The following ANKRD11 variants were observed in gnomAD, a reference collection of about 807,000 sequenced individuals.
ANKRD11 encodes the protein ankyrin repeat domain 11.
A neutral mutation model predicts 195.7 loss-of-function variants in ANKRD11; 17 were observed. The ratio of observed to expected loss-of-function variants is 0.09; its 90% CI spans 0.06 to 0.13. The LOEUF (loss-of-function observed/expected upper bound fraction) is 0.13, where lower values mean the gene tolerates loss of function less well. Ranked by LOEUF, ANKRD11 falls within the 10% of genes least tolerant of loss-of-function variation. The pLI is 1.00. For synonymous variants in ANKRD11, 1,953 were observed against 1,528.1 expected (o/e 1.28, Z -6.49); for missense variants, 3,735 against 3,566.1 (o/e 1.05, Z -1.21).
At chr16:89,273,386 G>T (rs574844901) in intron 11 of ANKRD11, among the ~76,000 whole-genome samples, 5 of 152,278 alleles carry the variant, frequency 3.3e-5, no homozygotes, top group African/African-American at 1.2e-4. Context: ...GCACCATTTG[G>T]TCCAACTCAT....
intron 2 of ANKRD11, among the ~76,000 whole-genome samples, chr16:89,349,928 T>C (rs1422066544): frequency 6.8e-6 from 1 of 147,162 alleles, no homozygotes; most frequent in Non-Finnish European, 1.5e-5. Context: ...AAACAACAAA[T>C]AGCTGGTAAA....
chr16:89,278,152 C>G, intron 9 of ANKRD11: 1 of 281,002 alleles, frequency 3.6e-6, no homozygotes. Context: ...CAGGGAAGAG[C>G]CAGAACGCCA....
At chr16:89,307,395 C>A (rs1425217274) in intron 3 of ANKRD11, among the ~76,000 whole-genome samples, 1 of 152,222 alleles carries the variant, frequency 6.6e-6, no homozygotes, top group East Asian at 1.9e-4. Flanking sequence ...TGAGACATCC[C>A]TGAGTGACCA....
chr16:89,480,051 C>T (rs2057394196), intron 1 of ANKRD11, among the ~76,000 whole-genome samples: 1 of 150,908 alleles, frequency 6.6e-6, no homozygotes, highest in South Asian at 2.1e-4. Context: ...GCAGAGGTTG[C>T]AGTGAGCTGA....
At chr16:89,383,980 G>A (rs1418568949) in intron 2 of ANKRD11, among the ~76,000 whole-genome samples, 1 of 152,238 alleles carries the variant, frequency 6.6e-6, no homozygotes. Context: ...CTGAAACTGG[G>A]AGGCTGAGGC....
chr16:89,437,616 C>G (rs2043270207), intron 1 of ANKRD11, among the ~76,000 whole-genome samples: 1 of 152,154 alleles, frequency 6.6e-6, no homozygotes, highest in South Asian at 2.1e-4. Context: ...ACCAGATGTC[C>G]AAGGGGTTTA....
intron 1 of ANKRD11, among the ~76,000 whole-genome samples, chr16:89,433,663 AAG>A (rs1399978863): frequency 1.4e-4 from 21 of 150,824 alleles, no homozygotes; most frequent in Admixed American, 1.3e-3. Flanking sequence ...TCACGAGAGT[AAG>A]AGAGAAGGAA....
At chr16:89,407,852 CAAAA>C (rs60723753) in intron 2 of ANKRD11, among the ~76,000 whole-genome samples, 233 of 111,406 alleles carry the variant, frequency 2.1e-3, no homozygotes, top group African/African-American at 5.0e-3. Flanking sequence ...TGTCTCCCTC[CAAAA>C]AAAAAAAAAA....
chr16:89,288,431 C>T (rs1465995569), intron 7 of ANKRD11, 97 bp downstream of exon 7: 2 of 1,582,660 alleles, frequency 1.3e-6, no homozygotes, highest in African/African-American at 2.7e-5. Flanking sequence ...TTCCTGTGCC[C>T]CACATCATGG....
chr16:89,385,010 C>T (rs1424838268), intron 2 of ANKRD11, among the ~76,000 whole-genome samples: 1 of 147,876 alleles, frequency 6.8e-6, no homozygotes, highest in Non-Finnish European at 1.5e-5. Flanking sequence ...CTCAGCCTCC[C>T]AAGTAGCTGG....
chr16:89,362,839 T>C (rs1213253881), intron 2 of ANKRD11, among the ~76,000 whole-genome samples: 1 of 152,134 alleles, frequency 6.6e-6, no homozygotes, highest in East Asian at 1.9e-4. Context: ...TACTTCCTCC[T>C]TCCTTTGTTC....
intron 2 of ANKRD11, among the ~76,000 whole-genome samples, chr16:89,339,582 A>C (rs1001275030): frequency 6.6e-6 from 1 of 152,198 alleles, no homozygotes; most frequent in Non-Finnish European, 1.5e-5. Context: ...TATATTTTAT[A>C]ATTTCTACAC....
rs142071859 is a variant in ANKRD11 at position 89,397,287 on chromosome 16, C to G, written c.-60+20997G>C. Among the ~76,000 whole-genome samples the G allele has an allele frequency of 2.6e-5, 4 of 152,356 alleles. No individual in the cohort carries two copies. The South Asian group carries it at 8.3e-4, about 32-fold the overall frequency. On this transcript the variant is annotated intron_variant, in intron 2 of 12. Coordinates refer to ENST00000301030, the MANE Select transcript of ANKRD11 (RefSeq NM_013275.6). ...CTCCAGGACAGACACCAGCCAAGAA[C>G]CCCCTCAGGGCAAGGCCTCTCACAA... is the stretch of plus-strand genomic sequence containing the variant.
intron 12 of ANKRD11, among the ~76,000 whole-genome samples, chr16:89,269,718 C>T (rs2032969744): frequency 6.6e-6 from 1 of 151,964 alleles, no homozygotes; most frequent in African/African-American, 2.4e-5. Context: ...ATTCTCATGC[C>T]TCAGTCTCCC....
intron 2 of ANKRD11, among the ~76,000 whole-genome samples, chr16:89,386,488 C>G (rs1450868164): frequency 1.3e-5 from 2 of 152,154 alleles, no homozygotes; most frequent in African/African-American, 4.8e-5. Context: ...GAGGATAGAA[C>G]CCGGCACACA....
intron 3 of ANKRD11, among the ~76,000 whole-genome samples, chr16:89,314,983 C>A (rs1217365651): frequency 1.3e-5 from 2 of 152,162 alleles, no homozygotes; most frequent in Non-Finnish European, 2.9e-5. Flanking sequence ...TAGAGCACAC[C>A]CCAGGTGCAG....
chr16:89,366,353 G>C (rs904732867), intron 2 of ANKRD11, among the ~76,000 whole-genome samples: 16 of 152,114 alleles, frequency 1.1e-4, no homozygotes, highest in Non-Finnish European at 2.1e-4. Flanking sequence ...CCAGTAATGA[G>C]ACTGCTGGGT....
chr16:89,358,262 C>T (rs1324877413), intron 2 of ANKRD11, among the ~76,000 whole-genome samples: 2 of 152,234 alleles, frequency 1.3e-5, no homozygotes, highest in Non-Finnish European at 2.9e-5. Context: ...TGCCGGCTTG[C>T]AGAAGACGTA....
chr16:89,470,358 G>C lies in ANKRD11; in HGVS notation c.-145+19887C>G, dbSNP rs575132215. Among the ~76,000 whole-genome samples, 3 of 152,230 alleles carry C rather than the reference G, an allele frequency of 2.0e-5. No homozygotes were observed. The South Asian group carries it at 6.2e-4, about 32-fold the overall frequency. ...AGCGCTGAAATGGGATGCACTATTA[G>C]GACAGGCACACAAGGGGAAACACAC... On this transcript the variant is annotated intron_variant, in intron 1 of 12. Transcript: ENST00000301030.
Sources: gnomAD v4.1 joint callset for allele counts (sites outside exome capture counted in the v4.1 genomes callset) on GRCh38, gnomAD v4.1.1 for gene constraint, MANE v1.5 for transcripts, NCBI Gene and HGNC (gene_info 2026-07-23, HGNC 2026-07-21) for gene names.